TENM3: variants seen among roughly 807,000 people sequenced by gnomAD.
TENM3 encodes the protein teneurin-3.
A neutral mutation model predicts 255.1 loss-of-function variants in TENM3; 63 were observed. The observed-to-expected ratio is 0.25, with a 90% CI of 0.20 to 0.30. The LOEUF (loss-of-function observed/expected upper bound fraction) is 0.30. TENM3 is among the 10% of genes least tolerant of loss of function. The pLI, the probability that TENM3 is intolerant of heterozygous loss-of-function variation, is 1.00. For synonymous variants in TENM3, 1,306 were observed against 1,322.3 expected, an observed-to-expected ratio of 0.99 and a Z score of 0.27; for missense variants, 2,929 against 3,461.1, an observed-to-expected ratio of 0.85 and a Z score of 3.86.
intron 4 of TENM3, among the ~76,000 whole-genome samples, chr4:182,621,553 A>G (rs1750147310): frequency 7.2e-6 from 1 of 139,628 alleles, no homozygotes; most frequent in Non-Finnish European, 1.5e-5. Context: ...GCTTAAGGGT[A>G]GGAGATTGAG....
intron 1 of TENM3, among the ~76,000 whole-genome samples, chr4:182,279,278 A>ATG (rs1463548018): frequency 6.6e-6 from 1 of 152,142 alleles, no homozygotes; most frequent in Non-Finnish European, 1.5e-5. Context: ...ATGCATATAT[A>ATG]TGTGTGTATT....
intron 1 of TENM3, among the ~76,000 whole-genome samples, chr4:182,228,800 C>T (rs1296148874): frequency 6.6e-6 from 1 of 152,168 alleles, no homozygotes; most frequent in Non-Finnish European, 1.5e-5. Flanking sequence ...GGTAGGATTT[C>T]TATCTTTGTT....
the TENM3 span, among the ~76,000 whole-genome samples, chr4:181,716,824 G>T: frequency 6.6e-6 from 1 of 152,240 alleles, no homozygotes; most frequent in African/African-American, 2.4e-5. Context: ...GTGAAAACAA[G>T]AAATTTCATC....
chr4:182,647,400 G>T (rs1752850162), intron 5 of TENM3, among the ~76,000 whole-genome samples: 1 of 152,102 alleles, frequency 6.6e-6, no homozygotes, highest in Non-Finnish European at 1.5e-5. Context: ...CCAAACCCTG[G>T]TCATCACCAT....
the TENM3 span, among the ~76,000 whole-genome samples, chr4:181,895,834 T>A: frequency 6.6e-6 from 1 of 152,048 alleles, no homozygotes; most frequent in East Asian, 1.9e-4. Flanking sequence ...TGTGAGCCAC[T>A]GTACCCAGCC....
chr4:182,147,544 T>A (rs1750053330), intron 1 of TENM3, among the ~76,000 whole-genome samples: 2 of 152,194 alleles, frequency 1.3e-5, no homozygotes, highest in Admixed American at 1.3e-4. Flanking sequence ...ATCAGTGTGT[T>A]CAGCAGCTGT....
At chr4:181,475,978 G>T in the TENM3 span, among the ~76,000 whole-genome samples, 1 of 152,198 alleles carries the variant, frequency 6.6e-6, no homozygotes, top group African/African-American at 2.4e-5. Flanking sequence ...AGGCGGTGCG[G>T]CTCCAGCGGG....
the TENM3 span, among the ~76,000 whole-genome samples, chr4:182,045,519 G>GT: frequency 1.3e-5 from 2 of 151,952 alleles, no homozygotes; most frequent in Non-Finnish European, 2.9e-5. Flanking sequence ...AGGTCATTGC[G>GT]TTTTTTTAAG....
At chr4:181,755,361 T>G in the TENM3 span, among the ~76,000 whole-genome samples, 2 of 152,192 alleles carry the variant, frequency 1.3e-5, no homozygotes, top group African/African-American at 4.8e-5. Flanking sequence ...ACTCACTTTT[T>G]TTTTACTTAA....
chr4:182,433,484 A>G (rs1162622422), intron 3 of TENM3, among the ~76,000 whole-genome samples: 1 of 152,192 alleles, frequency 6.6e-6, no homozygotes, highest in Non-Finnish European at 1.5e-5. Flanking sequence ...ACAAAGAAAG[A>G]AGGAGACAGA....
chr4:181,559,994 T>A, the TENM3 span, among the ~76,000 whole-genome samples: 2 of 152,382 alleles, frequency 1.3e-5, no homozygotes, highest in African/African-American at 2.4e-5. Context: ...CTTCATTTTT[T>A]AGAATAACAA....
intron 22 of TENM3, among the ~76,000 whole-genome samples, chr4:182,763,398 T>G (rs756576431): frequency 6.6e-6 from 1 of 151,990 alleles, no homozygotes; most frequent in Non-Finnish European, 1.5e-5. Flanking sequence ...ACCCCATCTC[T>G]ACTAAAAATA....
At chr4:182,023,894 A>G in the TENM3 span, among the ~76,000 whole-genome samples, 1 of 152,214 alleles carries the variant, frequency 6.6e-6, no homozygotes, top group Non-Finnish European at 1.5e-5. Context: ...AATTTAGAAG[A>G]ATTCCAGGAC....
chr4:181,484,920 A>T, the TENM3 span, among the ~76,000 whole-genome samples: 10,869 of 152,246 alleles, frequency 0.071, 1,133 homozygotes, highest in African/African-American at 0.23. Flanking sequence ...TTAAAAGTCA[A>T]TGAGATTTCT....
the TENM3 span, among the ~76,000 whole-genome samples, chr4:181,833,250 C>G: frequency 6.6e-6 from 1 of 152,242 alleles, no homozygotes; most frequent in African/African-American, 2.4e-5. Flanking sequence ...CCTCAAATCT[C>G]AAGTGAGTTA....
At chr4:182,437,187 A>G (rs751916842) in intron 3 of TENM3, among the ~76,000 whole-genome samples, 2 of 152,228 alleles carry the variant, frequency 1.3e-5, no homozygotes, top group Non-Finnish European at 2.9e-5. Context: ...TCTAAATCGT[A>G]TATGCATTAA....
At chr4:181,627,822 C>T in the TENM3 span, among the ~76,000 whole-genome samples, 1 of 152,134 alleles carries the variant, frequency 6.6e-6, no homozygotes, top group African/African-American at 2.4e-5. Flanking sequence ...ATTATGGCAG[C>T]ATGATTTATA....
chr4:182,475,375 A>G (rs747230721), intron 3 of TENM3, among the ~76,000 whole-genome samples: 2 of 150,500 alleles, frequency 1.3e-5, no homozygotes, highest in African/African-American at 2.4e-5. Flanking sequence ...TGTGTCTACT[A>G]TTGGTGTATA....
At chr4:182,321,892 C>A (rs1763075280) in intron 1 of TENM3, among the ~76,000 whole-genome samples, 1 of 151,900 alleles carries the variant, frequency 6.6e-6, no homozygotes, top group East Asian at 1.9e-4. Flanking sequence ...TTGCAGTGAG[C>A]CAAGAGCGCG....
Sources: allele counts gnomAD v4.1 joint callset (sites outside exome capture counted in the v4.1 genomes callset), GRCh38; gene constraint gnomAD v4.1.1; transcripts MANE v1.5; gene names NCBI Gene and HGNC (gene_info 2026-07-23, HGNC 2026-07-21).